The following HOOK1 variants were observed in gnomAD, a reference collection of about 807,000 sequenced individuals.
The protein encoded by HOOK1 is protein Hook homolog 1.
A neutral mutation model predicts 112.8 loss-of-function variants in HOOK1; 60 were observed. That is an observed-to-expected ratio of 0.53 (90% CI 0.43 to 0.66). HOOK1 has a LOEUF of 0.66. HOOK1 is among the 30% of genes least tolerant of loss of function. The probability of loss-of-function intolerance (pLI) is 0.00; values close to 1 mark genes in which losing one functional copy is unlikely to be tolerated. For synonymous variants in HOOK1, 294 were observed against 283.8 expected, an observed-to-expected ratio of 1.04 and a Z score of -0.36; for missense variants, 770 against 856.0, an observed-to-expected ratio of 0.90 and a Z score of 1.25.
intron 2 of HOOK1, among the ~76,000 whole-genome samples, chr1:59,822,444 G>A (rs2098386332): frequency 6.6e-6 from 1 of 152,104 alleles, no homozygotes; most frequent in Admixed American, 6.5e-5. Flanking sequence ...ATGAAATGAG[G>A]AATGAATGAA....
In HOOK1 at chr1:59,830,646, T is replaced by C. The variant is rs1453002063; in HGVS notation, c.223-1517T>C. ...CATTTTTATCCAGTTTGACAATCTG[T>C]ATTTGATTCTTTATTGTAAAAAACC... On this transcript the variant is annotated intron_variant, in intron 3 of 21. Coordinates refer to ENST00000371208, the MANE Select transcript of HOOK1 (RefSeq NM_015888.6). 2.0e-5 allele frequency among the ~76,000 whole-genome samples: 3 copies of C among 152,270 alleles called. No individual in the cohort carries two copies. In the East Asian group the frequency reaches 5.8e-4, roughly 29 times the overall value.
intron 2 of HOOK1, among the ~76,000 whole-genome samples, chr1:59,824,114 A>AT (rs1559043213): frequency 1.3e-5 from 2 of 151,964 alleles, no homozygotes; most frequent in Non-Finnish European, 2.9e-5. Flanking sequence ...TAAAGCATAC[A>AT]TTTTTCCTTA....
rs71046347 is a variant in HOOK1 at position 59,854,001 on chromosome 1, AATATATATATATAT to A, written c.1243-4402_1243-4389del. Among the ~76,000 whole-genome samples, 242 of 25,700 alleles carry A rather than the reference AATATATATATATAT, an allele frequency of 9.4e-3. 3 individuals are homozygous for A. The highest frequency in any genetic ancestry group is 0.03 in the African/African-American group (197 of 6,546). 16.9% of individuals were successfully genotyped at this position (25,700 alleles called of 152,430 possible). On this transcript the variant is annotated intron_variant, in intron 12 of 21. Coordinates refer to ENST00000371208, the MANE Select transcript of HOOK1 (RefSeq NM_015888.6). ...AAGAGTTAAAAATACATTAATCTTA[AATATATATATATAT>A]ATATATATATATATATATATATATT...
intron 2 of HOOK1, among the ~76,000 whole-genome samples, chr1:59,823,442 A>G (rs1194216300): frequency 1.3e-5 from 2 of 152,244 alleles, no homozygotes; most frequent in Non-Finnish European, 2.9e-5. Flanking sequence ...TGAGAAAGTC[A>G]TCATTGTTTT....
intron 15 of HOOK1, among the ~76,000 whole-genome samples, chr1:59,862,295 T>G (rs1301772310): frequency 6.6e-6 from 1 of 152,176 alleles, no homozygotes; most frequent in Non-Finnish European, 1.5e-5. Flanking sequence ...TTTTAAAGAA[T>G]GAGATTTTGC....
At chr1:59,826,206 A>G (rs1466996189) in intron 2 of HOOK1, among the ~76,000 whole-genome samples, 2 of 152,208 alleles carry the variant, frequency 1.3e-5, no homozygotes, top group Non-Finnish European at 2.9e-5. Context: ...ATTTTGGTTC[A>G]TTAGTCCTGT....
At chr1:59,856,941 C>T (rs765271181) in intron 12 of HOOK1, among the ~76,000 whole-genome samples, 4 of 152,074 alleles carry the variant, frequency 2.6e-5, no homozygotes, top group African/African-American at 4.8e-5. Flanking sequence ...TTCGAGATCT[C>T]CGGGAACATG....
intron 12 of HOOK1, among the ~76,000 whole-genome samples, chr1:59,850,588 T>G (rs2098406647): frequency 6.6e-6 from 1 of 151,576 alleles, no homozygotes; most frequent in African/African-American, 2.4e-5. Flanking sequence ...GATATCCAGT[T>G]GTACTAGTAC....
chr1:59,849,999 A>G (rs2098406273), intron 12 of HOOK1, among the ~76,000 whole-genome samples: 1 of 151,600 alleles, frequency 6.6e-6, no homozygotes, highest in Non-Finnish European at 1.5e-5. Context: ...GATGGGTCAT[A>G]TGGTAACCAA....
intron 7 of HOOK1, among the ~76,000 whole-genome samples, chr1:59,837,909 T>C (rs2098398796): frequency 6.6e-6 from 1 of 152,134 alleles, no homozygotes; most frequent in South Asian, 2.1e-4. Flanking sequence ...GTATTCTTAT[T>C]GTTCAACTCC....
In HOOK1 at chr1:59,871,101, G is replaced by C. The variant is rs1359052701; in HGVS notation, c.2007G>C (p.Trp669Cys). 2 of 1,610,420 alleles carry C rather than the reference G, an allele frequency of 1.2e-6. No homozygotes were observed. Among genetic ancestry groups the C allele is most frequent in the African/African-American group, 2.7e-5 (2 of 74,818 alleles). Residue 669 changes from tryptophan to cysteine, a missense_variant, in exon 21 of 22, where the codon TGG (tryptophan) becomes TGC (cysteine). Trp to Cys is a radical substitution (Grantham distance 215). Coordinates refer to ENST00000371208, the MANE Select transcript of HOOK1 (RefSeq NM_015888.6). Reference sequence around the variant, plus strand: ...AAGAAAAACTCATTGTTTCTGCGTGGTATAATAAGGTGAGCTGAAGTTCAG... The same window carrying C: ...AAGAAAAACTCATTGTTTCTGCGTGCTATAATAAGGTGAGCTGAAGTTCAG... ...DYEEKLIVSA[W>C]YNKSLAFQKL...
chr1:59,866,937 T>TA (rs1005393346), intron 19 of HOOK1, among the ~76,000 whole-genome samples: 7 of 152,326 alleles, frequency 4.6e-5, no homozygotes, highest in African/African-American at 1.7e-4. Context: ...CCTTATTTCC[T>TA]AGAAATGGAA....
intron 8 of HOOK1, among the ~76,000 whole-genome samples, chr1:59,841,421 A>G (rs75678083): frequency 0.08 from 12,216 of 152,122 alleles, 523 homozygotes; most frequent in African/African-American, 0.13. Flanking sequence ...GGAAATAAAG[A>G]AAAGGAAAAG....
Position 59,860,293 on chromosome 1 carries a change from A to G in HOOK1, c.1497A>G (p.Lys499=), listed in dbSNP as rs774094995. 8.7e-6 allele frequency: 14 copies of G among 1,608,676 alleles called. No homozygotes were observed. The South Asian group carries it at 1.6e-4, about 18-fold the overall frequency. ...IEELQEQLEQ[K]HRKMNELETE... is the part of the protein sequence containing the mutation. ...AACTTCAGGAGCAGCTAGAACAGAA[A>G]CACCGTAAAATGAATGAACTGGAAA... The change falls in exon 15 of 22, where the codon AAA becomes AAG. Residue 499 remains lysine (K), a synonymous_variant. Transcript: ENST00000371208.
At chr1:59,825,156 G>C (rs549177059) in intron 2 of HOOK1, among the ~76,000 whole-genome samples, 3 of 152,094 alleles carry the variant, frequency 2.0e-5, no homozygotes, top group African/African-American at 7.2e-5. Context: ...TCAGATTAGG[G>C]CCCATCCTAA....
At chr1:59,867,251 T>C (rs939264780) in intron 19 of HOOK1, among the ~76,000 whole-genome samples, 1 of 152,222 alleles carries the variant, frequency 6.6e-6, no homozygotes, top group Non-Finnish European at 1.5e-5. Context: ...TAATAAACTA[T>C]GATTTGCTCT....
rs2098382796 is a variant in HOOK1 at position 59,817,893 on chromosome 1, C to T, written c.63+2713C>T. Among the ~76,000 whole-genome samples the T allele has an allele frequency of 2.0e-5, 3 of 152,114 alleles. No individual in the cohort carries two copies. The South Asian group carries it at 6.2e-4, about 32-fold the overall frequency. ...TTTGGGATCAGAGCTCTTACATGAC[C>T]TATTTTCTGCTCTGTCCCTAGGAGA... On this transcript the variant is annotated intron_variant, in intron 1 of 21. Coordinates refer to ENST00000371208, the MANE Select transcript of HOOK1 (RefSeq NM_015888.6).
chr1:59,859,150 T>G (rs1181076606), intron 14 of HOOK1, 105 bp downstream of exon 14: 2 of 371,026 alleles, frequency 5.4e-6, no homozygotes, highest in Admixed American at 4.7e-5. Flanking sequence ...CTCATAGAGC[T>G]GAAAATTACT....
At chr1:59,871,517 C>CTT (rs1644055030) in intron 21 of HOOK1, among the ~76,000 whole-genome samples, 1 of 152,198 alleles carries the variant, frequency 6.6e-6, no homozygotes, top group Non-Finnish European at 1.5e-5. Context: ...TTAACATCCT[C>CTT]TAAAGCCTCA....
Sources: gnomAD v4.1 joint callset for allele counts (sites outside exome capture counted in the v4.1 genomes callset) on GRCh38, gnomAD v4.1.1 for gene constraint, MANE v1.5 for transcripts, NCBI Gene and HGNC (gene_info 2026-07-23, HGNC 2026-07-21) for gene names.